Variants in STX16 observed in about 807,000 individuals in gnomAD.
STX16 encodes syntaxin 16, also known as syntaxin-16.
In STX16, 28 loss-of-function variants were observed where a neutral mutation model predicts 42.7. That is an observed-to-expected ratio of 0.66 (90% CI 0.49 to 0.90). The LOEUF is 0.90. Among genes scored for constraint, STX16 ranks in the 40% least tolerant of loss-of-function variants. STX16 has a pLI of 0.00. For synonymous variants in STX16, 156 were observed against 155.2 expected (o/e 1.00, Z -0.04); for missense variants, 361 against 420.9 (o/e 0.86, Z 1.24).
rs2084173239 is a variant in STX16, at chr20:58,677,959, G to A, written c.*1668G>A. On this transcript the variant is annotated 3_prime_UTR_variant, in exon 9 of 9. Coordinates refer to ENST00000371141, the MANE Select transcript of STX16 (RefSeq NM_001001433.3). ...TCAGGAAGCGGACCTGGTATTCCCT[G>A]ACAAACATTGCTTAGGAAAGAGGGC... The A allele has an allele frequency of 6.6e-6, 1 of 152,196 alleles. No individual in the cohort carries two copies. The highest frequency in any genetic ancestry group is 1.5e-5 in the Non-Finnish European group (1 of 68,052). 9.4% of individuals were successfully genotyped at this position (152,196 alleles called of 1,614,324 possible).
rs2084162819 is a variant in STX16 at position 58,677,634 on chromosome 20, G to T, written c.*1343G>T. ...AATGGTCTTTGTGTAAATTTTAATGGCTTTTCCATTGTTTTTGCTTCTCTT... is the reference window on the plus strand; with the variant it reads ...AATGGTCTTTGTGTAAATTTTAATGTCTTTTCCATTGTTTTTGCTTCTCTT... On this transcript the variant is annotated 3_prime_UTR_variant, in exon 9 of 9. Transcript: ENST00000371141. 1 of 152,122 alleles carries T rather than the reference G, an allele frequency of 6.6e-6. No individual in the cohort carries two copies. Among genetic ancestry groups the T allele is most frequent in the Non-Finnish European group, 1.5e-5 (1 of 68,028 alleles). 9.4% of individuals were successfully genotyped at this position (152,122 alleles called of 1,614,324 possible). A position where few individuals can be genotyped will look rare whatever the true frequency, so the allele number is the denominator to read the frequency against.
chr20:58,667,972 A>T lies in STX16; in HGVS notation c.253-15A>T, dbSNP rs763470393. ...TGCCTGGCATCAGTGGAGTTCTGTG[A>T]CTTCATTTGCTTAGATTCAGTATGA... On this transcript the variant is annotated splice_polypyrimidine_tract_variant and intron_variant, in intron 3 of 8. Transcript: ENST00000371141. 1.9e-6 allele frequency: 3 copies of T among 1,614,206 alleles called. No individual in the cohort carries two copies. Among genetic ancestry groups the T allele is most frequent in the Non-Finnish European group, 2.5e-6 (3 of 1,180,030 alleles).
intron 1 of STX16, among the ~76,000 whole-genome samples, chr20:58,655,112 A>T (rs2083557653): frequency 6.6e-6 from 1 of 152,228 alleles, no homozygotes; most frequent in African/African-American, 2.4e-5. Flanking sequence ...TGGAATTTTA[A>T]GTTTCCAATT....
intron 5 of STX16, 63 bp from the exon 6 acceptor site, chr20:58,670,449 A>G: frequency 7.5e-7 from 1 of 1,328,900 alleles, no homozygotes. Context: ...CCCCCTTTTA[A>G]TGGTAGAACA....
At chr20:58,665,034 A>G (rs550468895) in intron 2 of STX16, among the ~76,000 whole-genome samples, 12 of 152,202 alleles carry the variant, frequency 7.9e-5, no homozygotes, top group Non-Finnish European at 1.3e-4. Flanking sequence ...CACCTGATGT[A>G]TGGCTGGCAG....
chr20:58,670,920 T>TG (rs1184808968), intron 6 of STX16, among the ~76,000 whole-genome samples: 1 of 152,226 alleles, frequency 6.6e-6, no homozygotes, highest in Non-Finnish European at 1.5e-5. Flanking sequence ...TTGGCAGACG[T>TG]GGGCTTCTGT....
Position 58,676,308 on chromosome 20 carries a change from G to A in STX16, c.*17G>A, listed in dbSNP as rs766728803. ...TCTCGATAAGTGGCATTGGGTTTTC[G>A]TGTGTGCCGCGCGTGTGGATCTCCC... On this transcript the variant is annotated 3_prime_UTR_variant, in exon 9 of 9. Coordinates refer to ENST00000371141, the MANE Select transcript of STX16 (RefSeq NM_001001433.3). The A allele has an allele frequency of 5.7e-5, 91 of 1,606,926 alleles. No homozygotes were observed. The highest frequency in any genetic ancestry group is 4.2e-4 in the East Asian group (19 of 44,860).
intron 7 of STX16, among the ~76,000 whole-genome samples, chr20:58,672,629 A>C (rs2084007192): frequency 6.6e-6 from 1 of 152,112 alleles, no homozygotes; most frequent in African/African-American, 2.4e-5. Flanking sequence ...AATATTAATA[A>C]ATCTTTTTTT....
intron 2 of STX16, among the ~76,000 whole-genome samples, chr20:58,666,502 C>T (rs533306972): frequency 2.0e-5 from 3 of 147,496 alleles, no homozygotes; most frequent in Admixed American, 6.9e-5. Flanking sequence ...GATCATGGCT[C>T]ACTGCGACCT....
Position 58,677,253 on chromosome 20 carries a change from T to C in STX16, c.*962T>C, listed in dbSNP as rs899200710. On this transcript the variant is annotated 3_prime_UTR_variant, in exon 9 of 9. Transcript: ENST00000371141. ...AACTGTGAATTTACACAGAGGCCATTTTAAATGGGTCACCCCATTTAGGAT... is the reference window on the plus strand; with the variant it reads ...AACTGTGAATTTACACAGAGGCCATCTTAAATGGGTCACCCCATTTAGGAT... The C allele has an allele frequency of 2.6e-5, 4 of 152,660 alleles. No homozygotes were observed. The highest frequency in any genetic ancestry group is 9.7e-5 in the African/African-American group (4 of 41,442). 9.5% of individuals were successfully genotyped at this position (152,660 alleles called of 1,614,324 possible).
At chr20:58,660,000 A>G (rs1246719237) in intron 2 of STX16, among the ~76,000 whole-genome samples, 1 of 152,206 alleles carries the variant, frequency 6.6e-6, no homozygotes, top group Admixed American at 6.5e-5. Flanking sequence ...TAGACAGTAT[A>G]GAAGGCCAGC....
At position 58,652,152 on chromosome 20, in the gene STX16, C is replaced by T. The variant is rs757042617; in HGVS notation, c.132+14C>T. On this transcript the variant is annotated intron_variant, in intron 1 of 8. Coordinates refer to ENST00000371141, the MANE Select transcript of STX16 (RefSeq NM_001001433.3). The stretch of plus-strand genomic sequence containing the variant: ...AGCATTGCTGCGGTGAGTCTCCTGG[C>T]GGCCTCTCCGACACACGGACCGTGT... 1.9e-6 allele frequency: 3 copies of T among 1,612,950 alleles called. No individual in the cohort carries two copies. The highest frequency in any genetic ancestry group is 2.5e-6 in the Non-Finnish European group (3 of 1,179,854).
intron 1 of STX16, among the ~76,000 whole-genome samples, chr20:58,654,816 G>A (rs1369954167): frequency 6.6e-6 from 1 of 152,118 alleles, no homozygotes; most frequent in African/African-American, 2.4e-5. Flanking sequence ...GAAATGTCAA[G>A]GCATCTTACC....
intron 2 of STX16, among the ~76,000 whole-genome samples, chr20:58,663,884 G>A (rs1278249915): frequency 1.3e-5 from 2 of 152,082 alleles, no homozygotes; most frequent in Admixed American, 6.5e-5. Flanking sequence ...CACCGTGCTG[G>A]CTAGGCTGGT....
At chr20:58,661,269 C>T (rs550455628) in intron 2 of STX16, among the ~76,000 whole-genome samples, 1 of 152,322 alleles carries the variant, frequency 6.6e-6, no homozygotes, top group African/African-American at 2.4e-5. Context: ...ATAATTACTT[C>T]GGGGTCTGCT....
chr20:58,662,118 C>T (rs184837209), intron 2 of STX16, among the ~76,000 whole-genome samples: 13 of 152,334 alleles, frequency 8.5e-5, no homozygotes, highest in African/African-American at 2.6e-4. Context: ...TGTCTTTAAT[C>T]TACTTCCTGT....
At chr20:58,652,585 G>A (rs1248015238) in intron 1 of STX16, among the ~76,000 whole-genome samples, 2 of 152,042 alleles carry the variant, frequency 1.3e-5, no homozygotes, top group Non-Finnish European at 2.9e-5. Flanking sequence ...CAAAATGAAC[G>A]ACTCCCTCCC....
chr20:58,676,183 G>A lies in STX16; in HGVS notation c.874-4G>A. On this transcript the variant is annotated splice_region_variant and splice_polypyrimidine_tract_variant and intron_variant, in intron 8 of 8. Coordinates refer to ENST00000371141, the MANE Select transcript of STX16 (RefSeq NM_001001433.3). ...ACGGCCTTTTTTCCCTCCTCTTTTT[G>A]TAGGCAGAACAGTATCAAAAGAAGA... 4 of 1,611,750 alleles carry A rather than the reference G, an allele frequency of 2.5e-6. No homozygotes were observed. The highest frequency in any genetic ancestry group is 3.4e-6 in the Non-Finnish European group (4 of 1,178,810).
chr20:58,658,359 C>A (rs2083624894), intron 1 of STX16, among the ~76,000 whole-genome samples: 1 of 152,134 alleles, frequency 6.6e-6, no homozygotes. Context: ...GTAATTAAAT[C>A]AGCTTTCCAT....
Sources: allele counts gnomAD v4.1 joint callset (sites outside exome capture counted in the v4.1 genomes callset), GRCh38; gene constraint gnomAD v4.1.1; transcripts MANE v1.5; gene names NCBI Gene and HGNC (gene_info 2026-07-23, HGNC 2026-07-21).